The following ERGIC1 variants were observed in gnomAD, a reference collection of about 807,000 sequenced individuals.
The protein encoded by ERGIC1 is endoplasmic reticulum-Golgi intermediate compartment protein 1.
ERGIC1 carries 19 observed loss-of-function variants against 38.3 expected under a neutral mutation model. The observed-to-expected ratio is 0.50, with a 90% CI of 0.35 to 0.73. The LOEUF is 0.73. ERGIC1 is among the 30% of genes least tolerant of loss of function. The probability of loss-of-function intolerance (pLI) is 0.01; values close to 1 mark genes in which losing one functional copy is unlikely to be tolerated. For synonymous variants in ERGIC1, 124 were observed against 157.6 expected, an observed-to-expected ratio of 0.79 and a Z score of 1.60; for missense variants, 294 against 389.2, an observed-to-expected ratio of 0.76 and a Z score of 2.06.
rs1761065402 is a variant in ERGIC1, at chr5:172,837,529, A to G, written c.20+3096A>G. Among the ~76,000 whole-genome samples, 1 of 152,196 alleles carries G rather than the reference A, an allele frequency of 6.6e-6. No individual in the cohort carries two copies. Among genetic ancestry groups the G allele is most frequent in the Admixed American group, 6.5e-5 (1 of 15,280 alleles). ...CAAGGTTGCATCTCCAGCACCTAGAACTGTGCTTGAGCCAAACTCGATCCT... is the reference window on the plus strand; with the variant it reads ...CAAGGTTGCATCTCCAGCACCTAGAGCTGTGCTTGAGCCAAACTCGATCCT... On this transcript the variant is annotated intron_variant, in intron 1 of 9. Coordinates refer to ENST00000393784, the MANE Select transcript of ERGIC1 (RefSeq NM_001031711.3). The surrounding 1 kb of genome is among the most constrained non-coding windows in gnomAD (Gnocchi z 4.3).
At chr5:172,860,455 C>T (rs1205946469) in intron 1 of ERGIC1, among the ~76,000 whole-genome samples, 1 of 152,264 alleles carries the variant, frequency 6.6e-6, no homozygotes, top group Non-Finnish European at 1.5e-5. Flanking sequence ...CCAGCGTTGC[C>T]TGAGCCAGGG....
At chr5:172,868,991 C>T (rs1199036944) in intron 1 of ERGIC1, among the ~76,000 whole-genome samples, 1 of 152,234 alleles carries the variant, frequency 6.6e-6, no homozygotes, top group Non-Finnish European at 1.5e-5. Flanking sequence ...CGGGGGCTTC[C>T]CGGGCTGGCT....
chr5:172,909,857 C>A, intron 4 of ERGIC1, 96 bp downstream of exon 4: 2 of 1,079,114 alleles, frequency 1.9e-6, no homozygotes, highest in South Asian at 1.3e-5. Context: ...CAAGCCAAGC[C>A]AACATATGGT....
chr5:172,901,046 A>G (rs966989555), intron 3 of ERGIC1, among the ~76,000 whole-genome samples: 1 of 152,178 alleles, frequency 6.6e-6, no homozygotes, highest in African/African-American at 2.4e-5. Context: ...GGAACAACTG[A>G]AGGTCACAGT....
At chr5:172,864,347 A>C (rs1275987141) in intron 1 of ERGIC1, among the ~76,000 whole-genome samples, 3 of 141,922 alleles carry the variant, frequency 2.1e-5, no homozygotes, top group African/African-American at 8.3e-5. Context: ...AGCTCACTGC[A>C]ACCTCCACCT....
chr5:172,883,995 A>G (rs1762349745), intron 1 of ERGIC1, among the ~76,000 whole-genome samples: 2 of 152,100 alleles, frequency 1.3e-5, no homozygotes, highest in African/African-American at 4.8e-5. Flanking sequence ...CCCCATCAAA[A>G]AGACGATGTC....
chr5:172,834,290 G>GCGAGTGT lies in ERGIC1; in HGVS notation c.-122_-116dup. On this transcript the variant is annotated 5_prime_UTR_variant, in exon 1 of 10. Coordinates refer to ENST00000393784, the MANE Select transcript of ERGIC1 (RefSeq NM_001031711.3). This position sits in a 1 kb window ranked among gnomAD's most constrained non-coding sequence, Gnocchi z 4.1. ...GGAGGCGAGTGGCGAGTGGCGAGTG[G>GCGAGTGT]CGAGTGTCAGGGGGGCGGCCGGCGG... The GCGAGTGT allele has an allele frequency of 2.1e-6, 2 of 942,440 alleles. No individual in the cohort carries two copies. The highest frequency in any genetic ancestry group is 1.3e-6 in the Non-Finnish European group (1 of 753,114). 58.4% of individuals were successfully genotyped at this position (942,440 alleles called of 1,614,324 possible).
intron 9 of ERGIC1, among the ~76,000 whole-genome samples, chr5:172,943,242 A>G (rs1265369304): frequency 6.6e-6 from 1 of 152,064 alleles, no homozygotes; most frequent in Non-Finnish European, 1.5e-5. Flanking sequence ...GGTGGGGTGG[A>G]TGGGTATTTT....
At chr5:172,855,955 A>G (rs1266469868) in intron 1 of ERGIC1, among the ~76,000 whole-genome samples, 2 of 152,028 alleles carry the variant, frequency 1.3e-5, no homozygotes, top group Non-Finnish European at 2.9e-5. Context: ...TTTAATTCAC[A>G]TTTTCCACAT....
At chr5:172,915,746 T>G (rs1343174082) in intron 5 of ERGIC1, 1 of 423,614 alleles carries the variant, frequency 2.4e-6, no homozygotes, top group African/African-American at 2.0e-5. Flanking sequence ...CACACAGCTA[T>G]CTGCATGTCC....
chr5:172,878,515 T>C (rs1762202617), intron 1 of ERGIC1, among the ~76,000 whole-genome samples: 1 of 152,156 alleles, frequency 6.6e-6, no homozygotes, highest in Non-Finnish European at 1.5e-5. Flanking sequence ...AGCCGAGGCT[T>C]CGTGCGCAGT....
chr5:172,851,354 C>A (rs988166017), intron 1 of ERGIC1, among the ~76,000 whole-genome samples: 1 of 149,574 alleles, frequency 6.7e-6, no homozygotes, highest in African/African-American at 2.5e-5. Flanking sequence ...ACTAAAAATA[C>A]AAAAATTAGC....
chr5:172,852,453 T>C lies in ERGIC1; in HGVS notation c.20+18020T>C, dbSNP rs1030817133. Reference sequence around the variant, plus strand: ...GATGCCAGGGACCCAGGCAGGGAGGTCTCCCTTTTGAAAGGGGCCACTGGC... The same window carrying C: ...GATGCCAGGGACCCAGGCAGGGAGGCCTCCCTTTTGAAAGGGGCCACTGGC... On this transcript the variant is annotated intron_variant, in intron 1 of 9. Coordinates refer to ENST00000393784, the MANE Select transcript of ERGIC1 (RefSeq NM_001031711.3). Among the ~76,000 whole-genome samples the C allele has an allele frequency of 6.6e-5, 10 of 151,816 alleles. No homozygotes were observed. The South Asian group carries it at 2.1e-3, about 32-fold the overall frequency.
intron 2 of ERGIC1, among the ~76,000 whole-genome samples, chr5:172,893,897 A>ATGTGTG (rs1323941581): frequency 5.6e-4 from 6 of 10,768 alleles, no homozygotes; most frequent in Non-Finnish European, 1.2e-3. Flanking sequence ...ATATATATAT[A>ATGTGTG]TATATATATG....
intron 6 of ERGIC1, among the ~76,000 whole-genome samples, chr5:172,925,774 C>T (rs897786175): frequency 2.0e-5 from 3 of 152,178 alleles, no homozygotes; most frequent in South Asian, 4.1e-4. Context: ...GTGTCTAGCT[C>T]GATAACCCCT....
intron 7 of ERGIC1, among the ~76,000 whole-genome samples, chr5:172,928,296 A>G (rs1763700068): frequency 2.0e-5 from 3 of 152,168 alleles, no homozygotes; most frequent in Non-Finnish European, 4.4e-5. Flanking sequence ...AGAAAAAAGC[A>G]TGAGATCAAG....
At chr5:172,888,925 C>G (rs1176898654) in intron 2 of ERGIC1, among the ~76,000 whole-genome samples, 165 bp downstream of exon 2, 1 of 152,206 alleles carries the variant, frequency 6.6e-6, no homozygotes, top group African/African-American at 2.4e-5. Context: ...CTCACTTACT[C>G]TCTATCCTCA....
At chr5:172,857,892 T>G (rs1210736982) in intron 1 of ERGIC1, among the ~76,000 whole-genome samples, 6 of 152,140 alleles carry the variant, frequency 3.9e-5, no homozygotes, top group Admixed American at 3.9e-4. Flanking sequence ...ATTCATACAT[T>G]CACTCACTGA....
chr5:172,920,021 A>G (rs1763469580), intron 5 of ERGIC1, among the ~76,000 whole-genome samples: 1 of 152,226 alleles, frequency 6.6e-6, no homozygotes. Flanking sequence ...TCACGCAGCC[A>G]GGATTTTAAC....
Sources: gnomAD v4.1 joint callset for allele counts (sites outside exome capture counted in the v4.1 genomes callset) on GRCh38, gnomAD v4.1.1 for gene constraint, Gnocchi (gnomAD v3.1) non-coding constraint, MANE v1.5 for transcripts, NCBI Gene and HGNC (gene_info 2026-07-23, HGNC 2026-07-21) for gene names.